SGPP2: variants seen among roughly 807,000 people sequenced by gnomAD.
SGPP2 encodes sphingosine 1-phosphate phosphohydrolase 2.
Under a neutral mutation model 33.9 loss-of-function variants are expected in SGPP2, and 30 were observed. That is an observed-to-expected ratio of 0.89 (90% CI 0.66 to 1.20). The LOEUF (loss-of-function observed/expected upper bound fraction) is 1.20, where lower values mean the gene tolerates loss of function less well. Ranked by LOEUF, SGPP2 falls within the 50% of genes most tolerant of loss-of-function variation. The pLI is 0.00. For missense variants in SGPP2, 458 were observed against 532.1 expected, an observed-to-expected ratio of 0.86 and a Z score of 1.37; for synonymous variants, 233 against 225.0, an observed-to-expected ratio of 1.04 and a Z score of -0.32.
chr2:222,455,464 G>A (rs147492381), intron 1 of SGPP2, among the ~76,000 whole-genome samples: 4,208 of 152,286 alleles, frequency 0.028, 81 homozygotes, highest in South Asian at 0.069. Flanking sequence ...AACGGCCAGA[G>A]TGGCTGGAAC....
intron 2 of SGPP2, among the ~76,000 whole-genome samples, chr2:222,509,141 G>A (rs909617935): frequency 6.6e-6 from 1 of 151,790 alleles, no homozygotes; most frequent in African/African-American, 2.4e-5. Context: ...AAAAAAAAAA[G>A]ACTGAACATT....
chr2:222,482,298 G>C (rs1698040956), intron 2 of SGPP2, among the ~76,000 whole-genome samples: 1 of 152,334 alleles, frequency 6.6e-6, no homozygotes, highest in Non-Finnish European at 1.5e-5. Context: ...CTAGTGAACA[G>C]TTTGGCTGTC....
At chr2:222,536,171 T>C (rs1432303080) in intron 4 of SGPP2, among the ~76,000 whole-genome samples, 1 of 152,210 alleles carries the variant, frequency 6.6e-6, no homozygotes, top group Admixed American at 6.5e-5. Context: ...GTGTTACAGG[T>C]AGTTTCATTG....
intron 1 of SGPP2, among the ~76,000 whole-genome samples, chr2:222,427,576 C>T (rs528362651): frequency 8.6e-5 from 13 of 151,962 alleles, no homozygotes; most frequent in South Asian, 4.2e-4. Context: ...CTGTGACTGG[C>T]GATGTTTCGT....
intron 1 of SGPP2, among the ~76,000 whole-genome samples, chr2:222,432,002 G>A (rs1015621019): frequency 6.6e-6 from 1 of 152,214 alleles, no homozygotes; most frequent in African/African-American, 2.4e-5. Context: ...TACAGCTGCA[G>A]TTTTGGGCTG....
rs114299576 is a variant in SGPP2, at chr2:222,492,052, C to T, written c.378+17326C>T. Among the ~76,000 whole-genome samples, 574 of 152,194 alleles carry T rather than the reference C, an allele frequency of 3.8e-3. 4 individuals are homozygous for T. Among genetic ancestry groups the T allele is most frequent in the African/African-American group, 0.012 (518 of 41,552 alleles). On this transcript the variant is annotated intron_variant, in intron 2 of 4. Transcript: ENST00000321276. ...TCCATGTCTCACATTCGTAAGAGTGCGCTCCCACAGCCTTGGGCAGCTCCT... is the reference window on the plus strand; with the variant it reads ...TCCATGTCTCACATTCGTAAGAGTGTGCTCCCACAGCCTTGGGCAGCTCCT...
chr2:222,426,332 A>G (rs1187341330), intron 1 of SGPP2, among the ~76,000 whole-genome samples: 1 of 151,992 alleles, frequency 6.6e-6, no homozygotes, highest in African/African-American at 2.4e-5. Flanking sequence ...ACAGGTAGAC[A>G]CGTGAGTTGC....
intron 1 of SGPP2, among the ~76,000 whole-genome samples, chr2:222,461,780 C>T (rs1697664360): frequency 6.6e-6 from 1 of 152,100 alleles, no homozygotes; most frequent in South Asian, 2.1e-4. Flanking sequence ...TGTTCACTCA[C>T]CCTCCACTCA....
chr2:222,444,131 C>G (rs905277824), intron 1 of SGPP2, among the ~76,000 whole-genome samples: 1 of 152,308 alleles, frequency 6.6e-6, no homozygotes, highest in East Asian at 1.9e-4. Context: ...AGAAATTCCT[C>G]TCTTGTTGTA....
At position 222,518,054 on chromosome 2, in the gene SGPP2, C is replaced by G. The variant is rs761858781; in HGVS notation, c.379-3713C>G. 5.3e-5 allele frequency among the ~76,000 whole-genome samples: 8 copies of G among 152,224 alleles called. 1 individual carries two copies. The highest frequency in any genetic ancestry group is 1.0e-4 in the Non-Finnish European group (7 of 68,036). On this transcript the variant is annotated intron_variant, in intron 2 of 4. Coordinates refer to ENST00000321276, the MANE Select transcript of SGPP2 (RefSeq NM_152386.4). Reference sequence around the variant, plus strand: ...GGACCTAATACAAGGCTTGGCTCATCATAGCATCATTGTCACAAATGGCAA... The same window carrying G: ...GGACCTAATACAAGGCTTGGCTCATGATAGCATCATTGTCACAAATGGCAA...
intron 2 of SGPP2, among the ~76,000 whole-genome samples, chr2:222,515,751 G>A (rs1380395945): frequency 6.6e-6 from 1 of 152,148 alleles, no homozygotes. Context: ...AAATATACAA[G>A]TTGAGGGTTG....
At chr2:222,489,526 A>G (rs949110445) in intron 2 of SGPP2, among the ~76,000 whole-genome samples, 1 of 152,104 alleles carries the variant, frequency 6.6e-6, no homozygotes, top group South Asian at 2.1e-4. Context: ...TTAAACCTAA[A>G]TTTATACCAT....
chr2:222,508,759 A>G (rs1398232082), intron 2 of SGPP2, among the ~76,000 whole-genome samples: 1 of 152,184 alleles, frequency 6.6e-6, no homozygotes, highest in Non-Finnish European at 1.5e-5. Flanking sequence ...TAGTTATTTC[A>G]TCTCTATTTT....
chr2:222,562,288 A>T lies in SGPP2; in HGVS notation c.*3390A>T, dbSNP rs1284514962. Among the ~76,000 whole-genome samples the T allele has an allele frequency of 6.6e-6, 1 of 152,170 alleles. No homozygotes were observed. The highest frequency in any genetic ancestry group is 1.5e-5 in the Non-Finnish European group (1 of 68,022). On this transcript the variant is annotated 3_prime_UTR_variant, in exon 5 of 5. Transcript: ENST00000321276. Reference sequence around the variant, plus strand: ...GCAATCTTCATCTAAAACAGCTCTCATTTCATGCCAGTTTTGCTCAAACCT... The same window carrying T: ...GCAATCTTCATCTAAAACAGCTCTCTTTTCATGCCAGTTTTGCTCAAACCT...
In SGPP2 at chr2:222,539,423, G is replaced by A. The variant is rs181499169; in HGVS notation, c.648+14390G>A. On this transcript the variant is annotated intron_variant, in intron 4 of 4. Transcript: ENST00000321276. ...CAAAATGGAATTTTATACAGGGAAT[G>A]TGGTGCTTACAAAGTATTGGAGGAG... Among the ~76,000 whole-genome samples, 13 of 152,372 alleles carry A rather than the reference G, an allele frequency of 8.5e-5. No homozygotes were observed. The East Asian group carries it at 2.5e-3, about 29-fold the overall frequency.
At chr2:222,469,384 C>T (rs1697804115) in intron 1 of SGPP2, among the ~76,000 whole-genome samples, 2 of 152,174 alleles carry the variant, frequency 1.3e-5, no homozygotes, top group South Asian at 4.1e-4. Flanking sequence ...AGGGTTTCAC[C>T]ATCTTGGCCA....
At chr2:222,508,598 C>T (rs1247921984) in intron 2 of SGPP2, among the ~76,000 whole-genome samples, 2 of 152,174 alleles carry the variant, frequency 1.3e-5, no homozygotes, top group Non-Finnish European at 2.9e-5. Context: ...CTTTCCTAGG[C>T]ATATACATAC....
intron 2 of SGPP2, among the ~76,000 whole-genome samples, chr2:222,512,540 T>C (rs1698545131): frequency 6.6e-6 from 1 of 152,206 alleles, no homozygotes; most frequent in Admixed American, 6.5e-5. Flanking sequence ...TGTATGTTTA[T>C]GGGTTTTGAC....
chr2:222,467,516 G>T (rs547089903), intron 1 of SGPP2, among the ~76,000 whole-genome samples: 13 of 152,258 alleles, frequency 8.5e-5, no homozygotes, highest in Admixed American at 2.0e-4. Flanking sequence ...AATTATCCGG[G>T]TAGGGAGCAT....
Sources: gnomAD v4.1 joint callset for allele counts (sites outside exome capture counted in the v4.1 genomes callset) on GRCh38, gnomAD v4.1.1 for gene constraint, MANE v1.5 for transcripts, NCBI Gene and HGNC (gene_info 2026-07-23, HGNC 2026-07-21) for gene names.